Variants in C12orf42 observed in about 807,000 individuals in gnomAD.
C12orf42 encodes the protein uncharacterized protein C12orf42.
In C12orf42, 25 loss-of-function variants were observed where a neutral mutation model predicts 21.6. That is an observed-to-expected ratio of 1.16 (90% CI 0.84 to 1.62). The LOEUF (loss-of-function observed/expected upper bound fraction) is 1.62, where lower values mean the gene tolerates loss of function less well. Among genes scored for constraint, C12orf42 ranks in the 40% most tolerant of loss-of-function variants. The pLI is 0.00. For synonymous variants in C12orf42, 174 were observed against 175.0 expected (o/e 0.99, Z 0.05); for missense variants, 483 against 459.3 (o/e 1.05, Z -0.47).
chr12:103,420,393 A>G (rs2049781062), intron 2 of C12orf42, among the ~76,000 whole-genome samples: 1 of 152,126 alleles, frequency 6.6e-6, no homozygotes, highest in African/African-American at 2.4e-5. Flanking sequence ...GGATACCGAG[A>G]TCTTTGCTAA....
chr12:103,254,338 TG>T (rs771472846), intron 10 of C12orf42, among the ~76,000 whole-genome samples: 8 of 152,302 alleles, frequency 5.3e-5, no homozygotes, highest in Non-Finnish European at 1.0e-4. Flanking sequence ...TATAATTTTT[TG>T]AAAATCAATG....
At chr12:103,349,406 C>T (rs185677558) in intron 4 of C12orf42, 224 of 152,144 alleles carry the variant, frequency 1.5e-3, no homozygotes, top group African/African-American at 5.1e-3. Flanking sequence ...TCGGAGTTCC[C>T]TGTTGAAAAC....
chr12:103,487,267 G>C (rs1001465703), intron 1 of C12orf42, among the ~76,000 whole-genome samples: 1 of 152,182 alleles, frequency 6.6e-6, no homozygotes, highest in African/African-American at 2.4e-5. Context: ...GTGCAGTTTT[G>C]AGTGAGTTTC....
the C12orf42 span, among the ~76,000 whole-genome samples, chr12:103,535,288 G>A: frequency 6.6e-6 from 1 of 151,880 alleles, no homozygotes; most frequent in Non-Finnish European, 1.5e-5. Context: ...GCCCATTCAG[G>A]GAACTGTGAG....
the C12orf42 span, among the ~76,000 whole-genome samples, chr12:103,123,437 G>T: frequency 5.8e-3 from 878 of 152,168 alleles, 7 homozygotes; most frequent in Middle Eastern, 0.017. Flanking sequence ...GTCAGAAAAG[G>T]CATCTGATTT....
At chr12:103,326,440 A>G (rs921134232) in intron 4 of C12orf42, among the ~76,000 whole-genome samples, 4 of 152,162 alleles carry the variant, frequency 2.6e-5, no homozygotes, top group African/African-American at 4.8e-5. Context: ...AGGCCTTCCA[A>G]TGGCTTCCCA....
chr12:103,186,553 A>G, the C12orf42 span, among the ~76,000 whole-genome samples: 2 of 152,204 alleles, frequency 1.3e-5, no homozygotes, highest in East Asian at 1.9e-4. Flanking sequence ...CTTGGCAGAA[A>G]CTTTATTATC....
intron 4 of C12orf42, among the ~76,000 whole-genome samples, chr12:103,345,631 A>G (rs2042552569): frequency 6.6e-6 from 1 of 152,198 alleles, no homozygotes; most frequent in African/African-American, 2.4e-5. Context: ...GTTCATTTCA[A>G]TATGATTCTT....
intron 2 of C12orf42, among the ~76,000 whole-genome samples, chr12:103,434,520 G>A (rs1329154244): frequency 6.6e-6 from 1 of 152,178 alleles, no homozygotes; most frequent in Non-Finnish European, 1.5e-5. Flanking sequence ...GTGCCAGACA[G>A]TGGGTGCAGG....
chr12:103,403,414 T>C (rs1311321834), intron 2 of C12orf42, among the ~76,000 whole-genome samples: 2 of 149,904 alleles, frequency 1.3e-5, no homozygotes, highest in African/African-American at 2.4e-5. Flanking sequence ...AGGGGCACTA[T>C]CCTGTCATCC....
chr12:103,424,679 C>T (rs1435371524), intron 2 of C12orf42, among the ~76,000 whole-genome samples: 1 of 152,190 alleles, frequency 6.6e-6, no homozygotes, highest in Admixed American at 6.5e-5. Flanking sequence ...ACCTGCAGAC[C>T]AGGAGATTCC....
At chr12:103,359,455 T>C (rs1218116754) in intron 4 of C12orf42, among the ~76,000 whole-genome samples, 1 of 152,090 alleles carries the variant, frequency 6.6e-6, no homozygotes, top group Non-Finnish European at 1.5e-5. Flanking sequence ...TGTAGTGAAT[T>C]CATACAATGG....
chr12:103,243,485 CCT>C (rs1439358817), intron 10 of C12orf42, among the ~76,000 whole-genome samples: 1 of 151,836 alleles, frequency 6.6e-6, no homozygotes, highest in African/African-American at 2.4e-5. Context: ...ATAATTGTAT[CCT>C]TATTGTAATT....
intron 1 of C12orf42, among the ~76,000 whole-genome samples, chr12:103,493,010 A>C (rs560430704): frequency 6.6e-6 from 1 of 152,266 alleles, no homozygotes; most frequent in South Asian, 2.1e-4. Flanking sequence ...ACACTACCTT[A>C]ATCCAGGATT....
chr12:103,102,021 C>A, the C12orf42 span, among the ~76,000 whole-genome samples: 5 of 152,208 alleles, frequency 3.3e-5, no homozygotes, highest in South Asian at 6.2e-4. Flanking sequence ...AACTGGTATG[C>A]CATTACTTCC....
At chr12:103,124,056 G>C in the C12orf42 span, among the ~76,000 whole-genome samples, 11 of 148,146 alleles carry the variant, frequency 7.4e-5, no homozygotes, top group Admixed American at 3.4e-4. Flanking sequence ...CTGTGGTCAT[G>C]ATAAGAAGAC....
chr12:103,378,668 T>C (rs764239782), intron 3 of C12orf42: 10 of 152,208 alleles, frequency 6.6e-5, no homozygotes, highest in Admixed American at 6.5e-5. Flanking sequence ...GGCAGAGCAG[T>C]ATAACATATG....
At chr12:103,059,886 CA>C in the C12orf42 span, among the ~76,000 whole-genome samples, 1 of 152,130 alleles carries the variant, frequency 6.6e-6, no homozygotes, top group African/African-American at 2.4e-5. Flanking sequence ...ACTGAATGGG[CA>C]AAAGCTGGAA....
chr12:103,242,615 C>A (rs897953688), intron 10 of C12orf42, among the ~76,000 whole-genome samples: 1 of 152,016 alleles, frequency 6.6e-6, no homozygotes, highest in Non-Finnish European at 1.5e-5. Flanking sequence ...ATCCCACTAA[C>A]CATATGCAAT....
Sources: gnomAD v4.1 joint callset for allele counts (sites outside exome capture counted in the v4.1 genomes callset) on GRCh38, gnomAD v4.1.1 for gene constraint, MANE v1.5 for transcripts, NCBI Gene and HGNC (gene_info 2026-07-23, HGNC 2026-07-21) for gene names.